The following MTTP variants were observed in gnomAD, a reference collection of about 807,000 sequenced individuals.
The protein encoded by MTTP is microsomal triglyceride transfer protein large subunit.
MTTP carries 49 observed loss-of-function variants against 90.6 expected under a neutral mutation model. That is an observed-to-expected ratio of 0.54 (90% confidence interval 0.43 to 0.69). The LOEUF is 0.69. Among genes scored for constraint, MTTP ranks in the 30% least tolerant of loss-of-function variants. The pLI is 0.00. For missense variants in MTTP, 945 were observed against 1,067.5 expected (o/e 0.89, Z 1.60); for synonymous variants, 347 against 384.2 (o/e 0.90, Z 1.13).
In MTTP at chr4:99,597,189, C is replaced by A. The variant is rs1170411942; in HGVS notation, c.1032C>A (p.Ile344=). The A allele has an allele frequency of 5.6e-6, 9 of 1,613,862 alleles. No individual in the cohort carries two copies. Among genetic ancestry groups the A allele is most frequent in the Non-Finnish European group, 6.8e-6 (8 of 1,179,884 alleles). Residue 344 remains isoleucine (I), a synonymous_variant, in exon 8 of 18, where the codon ATC becomes ATA. Transcript: ENST00000265517. ...TCAGGACTGCGAAGAAAGAAGAGAT[C>A]CTTCAAATACTAAAGATGGAAAATA... The part of the protein sequence containing the change: ...QHLRTAKKEE[I]LQILKMENKE...
intron 14 of MTTP, among the ~76,000 whole-genome samples, chr4:99,612,621 C>T (rs1325392254): frequency 6.6e-6 from 1 of 152,016 alleles, no homozygotes; most frequent in Non-Finnish European, 1.5e-5. Context: ...GGTATGGGTC[C>T]CGCCTCTGAC....
upstream of MTTP, among the ~76,000 whole-genome samples, chr4:99,570,320 G>A (rs183115125): frequency 3.1e-3 from 471 of 152,016 alleles, 5 homozygotes; most frequent in African/African-American, 0.011. Flanking sequence ...TCAGCACATT[G>A]AAGACAACAT....
chr4:99,611,214 C>G lies in MTTP; in HGVS notation c.1841C>G (p.Ser614Cys). 6.2e-7 allele frequency: 1 copy of G among 1,614,012 alleles called. No homozygotes were observed. The highest frequency in any genetic ancestry group is 8.5e-7 in the Non-Finnish European group (1 of 1,179,956). ...GACCGTTTCTCCAGGAGTGGATCTTCTTCTGCCTACACTGGCTACATAGAA... is the reference window on the plus strand; with the variant it reads ...GACCGTTTCTCCAGGAGTGGATCTTGTTCTGCCTACACTGGCTACATAGAA... Reference protein sequence around the residue: ...NYDRFSRSGSSSAYTGYIERS... With the variant: ...NYDRFSRSGSCSAYTGYIERS... The change falls in exon 13 of 18, where the codon TCT becomes TGT. Residue 614 changes from serine to cysteine, a missense_variant. Ser to Cys is a moderately radical substitution (Grantham distance 112). Transcript: ENST00000265517.
At chr4:99,564,151 A>T in exon 1 of MTTP, 1 of 1,535,470 alleles carries the variant, frequency 6.5e-7, no homozygotes. Flanking sequence ...GTGTTTTGGG[A>T]GTGGGAGGTA....
chr4:99,601,687 G>A lies in MTTP; in HGVS notation c.1317G>A (p.Leu439=). 1.2e-6 allele frequency: 2 copies of A among 1,612,848 alleles called. No homozygotes were observed. The highest frequency in any genetic ancestry group is 1.7e-6 in the Non-Finnish European group (2 of 1,179,110). The change falls in exon 10 of 18, where the codon TTG becomes TTA. Residue 439 remains leucine, a synonymous_variant. Coordinates refer to ENST00000265517, the MANE Select transcript of MTTP (RefSeq NM_001386140.1). ...TCACTGGGACACTTGTCAGAAAGTT[G>A]TGTCAGAATGAAGGCTGCAAACTCA... ...MIITGTLVRK[L]CQNEGCKLKA...
chr4:99,618,305 G>A (rs1042169488), intron 15 of MTTP, among the ~76,000 whole-genome samples: 5 of 152,098 alleles, frequency 3.3e-5, no homozygotes, highest in African/African-American at 2.4e-5. Flanking sequence ...GGATACTAAC[G>A]GACAAACACA....
In MTTP at chr4:99,622,540, A is replaced by C. The variant is rs1726262172; in HGVS notation, c.2514-137A>C. On this transcript the variant is annotated intron_variant, in intron 17 of 17. Transcript: ENST00000265517. Reference sequence around the variant, plus strand: ...TGAGAAGAAAATCACCCATTCATGGAGTAGCCTTTGACACTCATATCCTTT... The same window carrying C: ...TGAGAAGAAAATCACCCATTCATGGCGTAGCCTTTGACACTCATATCCTTT... 3 of 851,110 alleles carry C rather than the reference A, an allele frequency of 3.5e-6. No homozygotes were observed. In the African/African-American group the frequency reaches 5.1e-5, roughly 14 times the overall value. 52.7% of individuals were successfully genotyped at this position (851,110 alleles called of 1,614,324 possible).
intron 1 of MTTP, among the ~76,000 whole-genome samples, chr4:99,576,434 G>T (rs1242321368): frequency 6.6e-6 from 1 of 152,014 alleles, no homozygotes; most frequent in African/African-American, 2.4e-5. Context: ...GGTGGCTCAC[G>T]CCTGTAATCC....
At chr4:99,594,932 CATTTT>C in intron 7 of MTTP, 49 bp downstream of exon 7, 1 of 1,600,990 alleles carries the variant, frequency 6.2e-7, no homozygotes, top group Admixed American at 1.7e-5. Context: ...ACTCTGTTTT[CATTTT>C]GTCTCCAGTG....
At chr4:99,572,191 A>T (rs1724855334), upstream of MTTP, among the ~76,000 whole-genome samples, 1 of 152,014 alleles carries the variant, frequency 6.6e-6, no homozygotes, top group African/African-American at 2.4e-5. Context: ...CAAATATTTC[A>T]CAGTGTCATG....
chr4:99,596,452 C>T (rs957025371), intron 7 of MTTP, among the ~76,000 whole-genome samples: 7 of 151,780 alleles, frequency 4.6e-5, no homozygotes, highest in African/African-American at 1.2e-4. Context: ...TTTTTAAAAC[C>T]GCAATAGAAT....
At chr4:99,592,989 G>A (rs981358803) in intron 6 of MTTP, among the ~76,000 whole-genome samples, 2 of 152,132 alleles carry the variant, frequency 1.3e-5, no homozygotes, top group Non-Finnish European at 2.9e-5. Flanking sequence ...GCTTTGCACT[G>A]TGATGATAGG....
At chr4:99,622,616 G>T in intron 17 of MTTP, 61 bp from the exon 18 acceptor site, 2 of 1,562,078 alleles carry the variant, frequency 1.3e-6, no homozygotes, top group South Asian at 2.2e-5. Context: ...AACTTGGCTG[G>T]AGAGGTATAG....
At chr4:99,580,452 G>GT (rs1725075703) in intron 1 of MTTP, among the ~76,000 whole-genome samples, 1 of 151,284 alleles carries the variant, frequency 6.6e-6, no homozygotes, top group Non-Finnish European at 1.5e-5. Context: ...GCACACACCT[G>GT]TATTACTAGC....
chr4:99,564,925 C>T (rs1724630332), intron 1 of MTTP, among the ~76,000 whole-genome samples: 1 of 152,108 alleles, frequency 6.6e-6, no homozygotes. Context: ...TGCCATAAGC[C>T]CTTAAATTTT....
chr4:99,611,748 C>G (rs940559230), intron 14 of MTTP, among the ~76,000 whole-genome samples: 1 of 152,140 alleles, frequency 6.6e-6, no homozygotes, highest in Non-Finnish European at 1.5e-5. Context: ...GCCAATATTT[C>G]TTACATAAAC....
At chr4:99,615,895 G>A (rs1726086989) in intron 15 of MTTP, among the ~76,000 whole-genome samples, 1 of 152,192 alleles carries the variant, frequency 6.6e-6, no homozygotes, top group Admixed American at 6.5e-5. Context: ...GGTCACATTA[G>A]CTACAAAGTT....
upstream of MTTP, among the ~76,000 whole-genome samples, chr4:99,572,627 C>A (rs1724863779): frequency 6.6e-6 from 1 of 151,992 alleles, no homozygotes; most frequent in South Asian, 2.1e-4. Flanking sequence ...CCATAGATGG[C>A]AGCTCTTGTT....
intron 16 of MTTP, among the ~76,000 whole-genome samples, chr4:99,620,053 A>T (rs1308022489): frequency 1.3e-5 from 2 of 152,230 alleles, no homozygotes; most frequent in Non-Finnish European, 2.9e-5. Context: ...TTTTTAAAAA[A>T]GTACACAGTA....
Sources: allele counts gnomAD v4.1 joint callset (sites outside exome capture counted in the v4.1 genomes callset), GRCh38; gene constraint gnomAD v4.1.1; transcripts MANE v1.5; gene names NCBI Gene and HGNC (gene_info 2026-07-23, HGNC 2026-07-21).